The following SIPA1L1 variants were observed in gnomAD, a reference collection of about 807,000 sequenced individuals.
SIPA1L1 encodes signal-induced proliferation-associated 1-like protein 1.
In SIPA1L1, 26 loss-of-function variants were observed where a neutral mutation model predicts 162.7. The ratio of observed to expected loss-of-function variants is 0.16; its 90% CI spans 0.12 to 0.22. The LOEUF is 0.22. Ranked by LOEUF, SIPA1L1 falls within the 10% of genes least tolerant of loss-of-function variation. The probability of loss-of-function intolerance (pLI) is 1.00; values close to 1 mark genes in which losing one functional copy is unlikely to be tolerated. For missense variants in SIPA1L1, 1,874 were observed against 2,241.0 expected (o/e 0.84, Z 3.31); for synonymous variants, 829 against 837.4 (o/e 0.99, Z 0.17).
At chr14:71,506,787 T>C (rs1046009048) in intron 2 of SIPA1L1, among the ~76,000 whole-genome samples, 2 of 152,136 alleles carry the variant, frequency 1.3e-5, no homozygotes, top group African/African-American at 4.8e-5. Flanking sequence ...CTCTCCATAT[T>C]ATTATCTCAC....
chr14:71,502,942 T>TAA (rs2050376621), intron 2 of SIPA1L1, among the ~76,000 whole-genome samples: 1 of 152,226 alleles, frequency 6.6e-6, no homozygotes, highest in Non-Finnish European at 1.5e-5. Flanking sequence ...CCATATTTTA[T>TAA]AAAAGACTTA....
Position 71,739,530 on chromosome 14 carries a change from TC to T in SIPA1L1, c.*370del, listed in dbSNP as rs1667147100. On this transcript the variant is annotated 3_prime_UTR_variant, in exon 24 of 24. Transcript: ENST00000381232. Reference sequence around the variant, plus strand: ...ATTCCCATCAGCTTTCTTATCAACTTCAGGTAACCCAAGCTTTCCCTTGTTA... The same window carrying T: ...ATTCCCATCAGCTTTCTTATCAACTTAGGTAACCCAAGCTTTCCCTTGTTA... 6.4e-6 allele frequency: 1 copy of T among 155,512 alleles called. No homozygotes were observed. Among genetic ancestry groups the T allele is most frequent in the African/African-American group, 2.4e-5 (1 of 41,628 alleles). 9.6% of individuals were successfully genotyped at this position (155,512 alleles called of 1,614,324 possible).
chr14:71,615,624 G>A (rs918630404), intron 5 of SIPA1L1, among the ~76,000 whole-genome samples: 3 of 152,298 alleles, frequency 2.0e-5, no homozygotes, highest in Middle Eastern at 6.8e-3. Context: ...GGGACTGGAC[G>A]GGGAGCTATA....
intron 2 of SIPA1L1, among the ~76,000 whole-genome samples, chr14:71,472,867 G>T (rs75358310): frequency 1.1e-5 from 1 of 87,418 alleles, no homozygotes. Flanking sequence ...AAAAAAAAAA[G>T]CAGGGTCTTA....
chr14:71,323,852 G>A (rs1216057299), intron 2 of SIPA1L1, among the ~76,000 whole-genome samples: 1 of 152,080 alleles, frequency 6.6e-6, no homozygotes, highest in Admixed American at 6.5e-5. Context: ...TAGTCCAGTG[G>A]GACCATTTGT....
chr14:71,398,854 C>A (rs942100550), intron 2 of SIPA1L1, among the ~76,000 whole-genome samples: 1 of 152,176 alleles, frequency 6.6e-6, no homozygotes, highest in African/African-American at 2.4e-5. Context: ...GTGAACTTTT[C>A]AAAAGGAAGT....
chr14:71,716,018 C>A (rs2083243427), intron 17 of SIPA1L1, among the ~76,000 whole-genome samples: 1 of 152,184 alleles, frequency 6.6e-6, no homozygotes, highest in Non-Finnish European at 1.5e-5. Context: ...CCACTCATTT[C>A]CCTATGCTGT....
In SIPA1L1 at chr14:71,327,008, G is replaced by A. The variant is rs554025319; in HGVS notation, c.-465+5827G>A. 4.8e-4 allele frequency among the ~76,000 whole-genome samples: 72 copies of A among 151,304 alleles called. 1 individual carries two copies. Among genetic ancestry groups the A allele is most frequent in the Non-Finnish European group, 8.3e-4 (56 of 67,850 alleles). Reference sequence around the variant, plus strand: ...ATTACAGATGTGAGCCATTGCGCCCGGCCTAATTTGGTATTTTTTGGGCTC... The same window carrying A: ...ATTACAGATGTGAGCCATTGCGCCCAGCCTAATTTGGTATTTTTTGGGCTC... On this transcript the variant is annotated intron_variant, in intron 2 of 23. Transcript: ENST00000381232.
chr14:71,643,774 T>A (rs1379114793), intron 7 of SIPA1L1, among the ~76,000 whole-genome samples: 1 of 152,236 alleles, frequency 6.6e-6, no homozygotes, highest in African/African-American at 2.4e-5. Flanking sequence ...TCCTTTGATA[T>A]AACACCAAAA....
At chr14:71,715,312 G>T (rs2083186169) in intron 17 of SIPA1L1, among the ~76,000 whole-genome samples, 1 of 152,152 alleles carries the variant, frequency 6.6e-6, no homozygotes, top group Non-Finnish European at 1.5e-5. Flanking sequence ...TCTAGGAGAT[G>T]GCATATTGGC....
At chr14:71,540,382 AT>A (rs1316046347) in intron 4 of SIPA1L1, among the ~76,000 whole-genome samples, 1 of 152,152 alleles carries the variant, frequency 6.6e-6, no homozygotes. Flanking sequence ...GGAATTTTGG[AT>A]TTTTTAAAGT....
chr14:71,631,878 A>G (rs1318723240), intron 7 of SIPA1L1, among the ~76,000 whole-genome samples: 1 of 152,248 alleles, frequency 6.6e-6, no homozygotes, highest in Non-Finnish European at 1.5e-5. Context: ...AGGACAGTAT[A>G]GAAATTTATC....
rs977152666 is a variant in SIPA1L1 at position 71,478,027 on chromosome 14, C to T, written c.-464-34716C>T. Among the ~76,000 whole-genome samples the T allele has an allele frequency of 2.6e-5, 4 of 152,180 alleles. No individual in the cohort carries two copies. In the East Asian group the frequency reaches 7.7e-4, roughly 29 times the overall value. Reference sequence around the variant, plus strand: ...CATCCTTGACAGCATTTCCTGTTATCAAGGTATTATCAGTATTTTTTATTT... The same window carrying T: ...CATCCTTGACAGCATTTCCTGTTATTAAGGTATTATCAGTATTTTTTATTT... On this transcript the variant is annotated intron_variant, in intron 2 of 23. Coordinates refer to ENST00000381232, the MANE Select transcript of SIPA1L1 (RefSeq NM_001386936.1).
intron 2 of SIPA1L1, among the ~76,000 whole-genome samples, chr14:71,338,170 T>G (rs957551542): frequency 1.3e-5 from 2 of 152,184 alleles, no homozygotes; most frequent in African/African-American, 4.8e-5. Flanking sequence ...GATTTCTCCC[T>G]TCTCTGACAT....
intron 2 of SIPA1L1, among the ~76,000 whole-genome samples, chr14:71,491,810 A>ACACC (rs1469077723): frequency 1.6e-5 from 2 of 128,334 alleles, no homozygotes; most frequent in African/African-American, 6.2e-5. Context: ...ACACACACAC[A>ACACC]CACCCCTTCC....
At chr14:71,472,033 A>G (rs750494410) in intron 2 of SIPA1L1, among the ~76,000 whole-genome samples, 2 of 151,326 alleles carry the variant, frequency 1.3e-5, no homozygotes, top group Non-Finnish European at 2.9e-5. Context: ...GTTAATAAAT[A>G]TCTTTTAAAA....
intron 10 of SIPA1L1, among the ~76,000 whole-genome samples, chr14:71,662,853 A>G (rs2043652694): frequency 1.3e-5 from 2 of 152,218 alleles, no homozygotes; most frequent in Non-Finnish European, 2.9e-5. Context: ...ACAATTGACT[A>G]TAATTGGGAT....
At chr14:71,427,476 G>C (rs954811380) in intron 2 of SIPA1L1, among the ~76,000 whole-genome samples, 1 of 152,104 alleles carries the variant, frequency 6.6e-6, no homozygotes, top group African/African-American at 2.4e-5. Context: ...TTTGTCTTTA[G>C]AAAGATATTA....
intron 2 of SIPA1L1, among the ~76,000 whole-genome samples, chr14:71,395,651 A>T (rs2041129181): frequency 6.6e-6 from 1 of 152,144 alleles, no homozygotes; most frequent in Non-Finnish European, 1.5e-5. Flanking sequence ...GCAGAGCAAG[A>T]CCCTGTCTCT....
Sources: gnomAD v4.1 joint callset for allele counts (sites outside exome capture counted in the v4.1 genomes callset) on GRCh38, gnomAD v4.1.1 for gene constraint, MANE v1.5 for transcripts, NCBI Gene and HGNC (gene_info 2026-07-23, HGNC 2026-07-21) for gene names.